Variants in YTHDC2 observed in about 807,000 individuals in gnomAD.
The protein encoded by YTHDC2 is YTH N6-methyladenosine RNA binding protein C2.
A neutral mutation model predicts 174.9 loss-of-function variants in YTHDC2; 45 were observed. The observed-to-expected ratio is 0.26, with a 90% CI of 0.20 to 0.33. The LOEUF (loss-of-function observed/expected upper bound fraction) is 0.33. Among genes scored for constraint, YTHDC2 ranks in the 10% least tolerant of loss-of-function variants. The pLI, the probability that YTHDC2 is intolerant of heterozygous loss-of-function variation, is 1.00. For missense variants in YTHDC2, 1,650 were observed against 1,723.7 expected (o/e 0.96, Z 0.76); for synonymous variants, 657 against 574.5 (o/e 1.14, Z -2.05).
intron 3 of YTHDC2, among the ~76,000 whole-genome samples, chr5:113,525,905 T>C (rs1195886396): frequency 6.6e-6 from 1 of 152,128 alleles, no homozygotes; most frequent in Non-Finnish European, 1.5e-5. Flanking sequence ...TCACTTTAAA[T>C]ATAGGCACAC....
At chr5:113,560,210 T>C (rs1426356299) in intron 17 of YTHDC2, among the ~76,000 whole-genome samples, 1 of 152,208 alleles carries the variant, frequency 6.6e-6, no homozygotes, top group Non-Finnish European at 1.5e-5. Context: ...TTAAAATACC[T>C]ATAAAGGACT....
chr5:113,581,122 A>G (rs1180084283), intron 24 of YTHDC2: 2 of 228,872 alleles, frequency 8.7e-6, no homozygotes, highest in African/African-American at 2.3e-5. Flanking sequence ...TATGAGCTAC[A>G]TATATTTTTA....
At chr5:113,541,890 C>T (rs1054859628) in intron 9 of YTHDC2, among the ~76,000 whole-genome samples, 4 of 151,742 alleles carry the variant, frequency 2.6e-5, no homozygotes, top group African/African-American at 9.7e-5. Context: ...GCATTTTGAC[C>T]ATGTATATTT....
intron 26 of YTHDC2, among the ~76,000 whole-genome samples, chr5:113,588,024 T>C (rs1778787880): frequency 1.3e-5 from 2 of 152,246 alleles, no homozygotes; most frequent in South Asian, 4.1e-4. Flanking sequence ...TACTGTTCTT[T>C]AGAATTTTAA....
intron 18 of YTHDC2, among the ~76,000 whole-genome samples, chr5:113,561,619 C>G (rs952365207): frequency 6.6e-6 from 1 of 151,910 alleles, no homozygotes; most frequent in Non-Finnish European, 1.5e-5. Context: ...CAGGCGCCCA[C>G]CACCGTGCCC....
At chr5:113,553,159 T>TC in intron 12 of YTHDC2, 22 bp from the exon 13 acceptor site, 1 of 292,134 alleles carries the variant, frequency 3.4e-6, no homozygotes, top group Non-Finnish European at 4.8e-6. Flanking sequence ...GACTTTGTCT[T>TC]TTTTTTTTTT....
intron 2 of YTHDC2, among the ~76,000 whole-genome samples, chr5:113,521,247 G>C (rs1213818453): frequency 6.6e-6 from 1 of 152,186 alleles, no homozygotes; most frequent in Non-Finnish European, 1.5e-5. Flanking sequence ...AAAGCCTAGA[G>C]ATGTTAAGTA....
Position 113,513,831 on chromosome 5 carries a change from T to C in YTHDC2, c.-65T>C. ...TAGTGGCCCCGGATTCCCACGGTCTTTGTCATTGGCTGTCAGCTAGCAGGC... is the reference window on the plus strand; with the variant it reads ...TAGTGGCCCCGGATTCCCACGGTCTCTGTCATTGGCTGTCAGCTAGCAGGC... On this transcript the variant is annotated 5_prime_UTR_variant, in exon 1 of 30. Coordinates refer to ENST00000161863, the MANE Select transcript of YTHDC2 (RefSeq NM_022828.5). 1 of 1,497,770 alleles carries C rather than the reference T, an allele frequency of 6.7e-7. No individual in the cohort carries two copies. Among genetic ancestry groups the C allele is most frequent in the Non-Finnish European group, 8.9e-7 (1 of 1,125,938 alleles). 92.8% of individuals were successfully genotyped at this position (1,497,770 alleles called of 1,614,324 possible).
chr5:113,547,787 A>G (rs1329018569), intron 10 of YTHDC2, among the ~76,000 whole-genome samples: 15 of 152,206 alleles, frequency 9.9e-5, no homozygotes, highest in Admixed American at 8.5e-4. Context: ...ATAATTGGGT[A>G]TACATACTGT....
chr5:113,539,695 T>A (rs917647294), intron 8 of YTHDC2, among the ~76,000 whole-genome samples: 3 of 152,190 alleles, frequency 2.0e-5, no homozygotes, highest in African/African-American at 7.2e-5. Context: ...TTCTTTTTCT[T>A]AATTTTAACT....
At chr5:113,580,579 A>G (rs754216789) in intron 24 of YTHDC2, among the ~76,000 whole-genome samples, 3 of 152,112 alleles carry the variant, frequency 2.0e-5, no homozygotes, top group Non-Finnish European at 4.4e-5. Flanking sequence ...TTTAGCATCC[A>G]TTCATTCATC....
Position 113,593,315 on chromosome 5 carries a change from C to G in YTHDC2, c.4225C>G (p.Leu1409Val). 8 of 1,612,452 alleles carry G rather than the reference C, an allele frequency of 5.0e-6. No homozygotes were observed. Among genetic ancestry groups the G allele is most frequent in the Non-Finnish European group, 6.8e-6 (8 of 1,178,924 alleles). The change falls in exon 29 of 30, where the codon CTG becomes GTG. Residue 1409 changes from leucine (L) to valine (V), a missense_variant. This residue lies in a region of YTHDC2 where 913 missense variants were observed against 940.4 expected (regional missense o/e 0.97). Coordinates refer to ENST00000161863, the MANE Select transcript of YTHDC2 (RefSeq NM_022828.5). ...ISRDGQELEPLVGEQLLQLWE... is the reference protein window; with the variant it reads ...ISRDGQELEPVVGEQLLQLWE... The stretch of plus-strand genomic sequence containing the variant: ...CTGATTTATCTAGGAACTAGAACCT[C>G]TGGTTGGTGAACAGTTGCTCCAGTT...
chr5:113,571,936 AT>A (rs1430462400), intron 23 of YTHDC2, among the ~76,000 whole-genome samples: 1 of 151,880 alleles, frequency 6.6e-6, no homozygotes, highest in Non-Finnish European at 1.5e-5. Flanking sequence ...TGATTTGCTG[AT>A]TTTTTTGGAG....
chr5:113,532,062 T>A (rs1427029176), intron 4 of YTHDC2, among the ~76,000 whole-genome samples: 1 of 152,210 alleles, frequency 6.6e-6, no homozygotes. Flanking sequence ...ACAACATCAA[T>A]AACAAACCTA....
chr5:113,577,392 CAG>C (rs1778122743), intron 23 of YTHDC2, among the ~76,000 whole-genome samples: 5 of 151,770 alleles, frequency 3.3e-5, no homozygotes, highest in African/African-American at 1.2e-4. Context: ...TTGTTTGAGA[CAG>C]AGTCTTGGTC....
At chr5:113,547,064 G>C (rs756766572) in intron 10 of YTHDC2, among the ~76,000 whole-genome samples, 2 of 152,180 alleles carry the variant, frequency 1.3e-5, no homozygotes, top group East Asian at 3.9e-4. Context: ...CTGTTCATTA[G>C]AATGAGTCAC....
chr5:113,581,729 C>A lies in YTHDC2; in HGVS notation c.3647+20C>A. ...AGAAAGGTAAATTTATGACATTTTA[C>A]CAAAATGGGTCACTTTTTATTCAGG... is the stretch of plus-strand genomic sequence containing the variant. On this transcript the variant is annotated intron_variant, in intron 25 of 29. Coordinates refer to ENST00000161863, the MANE Select transcript of YTHDC2 (RefSeq NM_022828.5). 6.9e-7 allele frequency: 1 copy of A among 1,450,654 alleles called. No homozygotes were observed. Among genetic ancestry groups the A allele is most frequent in the East Asian group, 2.5e-5 (1 of 40,080 alleles). 89.9% of individuals were successfully genotyped at this position (1,450,654 alleles called of 1,614,324 possible).
At chr5:113,520,093 C>A (rs57110469) in intron 2 of YTHDC2, among the ~76,000 whole-genome samples, 2 of 152,146 alleles carry the variant, frequency 1.3e-5, no homozygotes, top group East Asian at 3.9e-4. Flanking sequence ...GATGTTCCCC[C>A]GCTATGTCCA....
Position 113,525,059 on chromosome 5 carries a change from G to T in YTHDC2, c.357G>T (p.Leu119Phe). The T allele has an allele frequency of 1.2e-6, 2 of 1,612,658 alleles. No individual in the cohort carries two copies. The highest frequency in any genetic ancestry group is 2.2e-5 in the South Asian group (2 of 90,860). The part of the protein sequence containing the change: ...ETAHAMMTCN[L>F]THNTKHAVRS... Reference sequence around the variant, plus strand: ...CTCATGCAATGATGACCTGTAATTTGACTCATAATACAAAACATGCTGTTA... The same window carrying T: ...CTCATGCAATGATGACCTGTAATTTTACTCATAATACAAAACATGCTGTTA... The change falls in exon 3 of 30, where the codon TTG becomes TTT. Residue 119 changes from leucine (L) to phenylalanine (F), a missense_variant. By Grantham distance (22) the Leu-to-Phe change is conservative. This residue lies in a region of YTHDC2 where 304 missense variants were observed against 341.4 expected (regional missense o/e 0.89). Transcript: ENST00000161863.
Sources: gnomAD v4.1 joint callset for allele counts (sites outside exome capture counted in the v4.1 genomes callset) on GRCh38, gnomAD v4.1.1 for gene constraint, gnomAD v4.1.1 regional missense constraint, MANE v1.5 for transcripts, NCBI Gene and HGNC (gene_info 2026-07-23, HGNC 2026-07-21) for gene names.